Variants in MYO10 observed in about 807,000 individuals in gnomAD.
MYO10 encodes the protein myosin X.
MYO10 carries 133 observed loss-of-function variants against 257.3 expected under a neutral mutation model. That is an observed-to-expected ratio of 0.52 (90% CI 0.45 to 0.60). The LOEUF is 0.60. Ranked by LOEUF, MYO10 falls within the 20% of genes least tolerant of loss-of-function variation. The pLI, the probability that MYO10 is intolerant of heterozygous loss-of-function variation, is 0.00. For missense variants in MYO10, 2,399 were observed against 2,635.7 expected, an observed-to-expected ratio of 0.91 and a Z score of 1.97; for synonymous variants, 1,104 against 1,028.6, an observed-to-expected ratio of 1.07 and a Z score of -1.40.
intron 3 of MYO10, among the ~76,000 whole-genome samples, chr5:16,798,426 T>C (rs1321602041): frequency 1.3e-5 from 2 of 152,034 alleles, no homozygotes; most frequent in Non-Finnish European, 2.9e-5. Flanking sequence ...AGAAAACCCA[T>C]TTTGTCCTGT....
chr5:16,777,487 T>C (rs1222518726), intron 9 of MYO10, among the ~76,000 whole-genome samples: 7 of 152,120 alleles, frequency 4.6e-5, no homozygotes, highest in South Asian at 2.1e-4. Flanking sequence ...TCTATGACAA[T>C]GAAAAGGAAA....
chr5:16,765,527 C>G (rs908227428), intron 11 of MYO10, among the ~76,000 whole-genome samples: 3 of 152,122 alleles, frequency 2.0e-5, no homozygotes, highest in African/African-American at 7.2e-5. Flanking sequence ...TAAGAAAACC[C>G]TAATACAAAG....
intron 3 of MYO10, among the ~76,000 whole-genome samples, chr5:16,797,381 T>C (rs925246614): frequency 6.6e-6 from 1 of 152,166 alleles, no homozygotes; most frequent in African/African-American, 2.4e-5. Flanking sequence ...TTACTCAACC[T>C]GGAATGTGTT....
At chr5:16,743,712 A>G (rs1213350632) in intron 19 of MYO10, among the ~76,000 whole-genome samples, 1 of 152,110 alleles carries the variant, frequency 6.6e-6, no homozygotes, top group Non-Finnish European at 1.5e-5. Context: ...TCCCATTCTT[A>G]TAGAAAATGA....
At chr5:16,775,554 G>A (rs186805441) in intron 9 of MYO10, among the ~76,000 whole-genome samples, 1 of 152,230 alleles carries the variant, frequency 6.6e-6, no homozygotes, top group East Asian at 1.9e-4. Context: ...CTCCAAGGTA[G>A]CTAGGACTAC....
intron 39 of MYO10, among the ~76,000 whole-genome samples, chr5:16,668,821 C>A (rs1388264916): frequency 1.3e-5 from 2 of 152,144 alleles, no homozygotes; most frequent in East Asian, 1.9e-4. Flanking sequence ...AGCTTCCCTG[C>A]AACCCAAGCC....
At chr5:16,704,055 G>A (rs1047322963) in intron 22 of MYO10, among the ~76,000 whole-genome samples, 6 of 151,944 alleles carry the variant, frequency 3.9e-5, no homozygotes, top group Admixed American at 1.3e-4. Flanking sequence ...GGCTGGGTAC[G>A]GTGGCTCACA....
At position 16,711,152 on chromosome 5, in the gene MYO10, C is replaced by A. The variant is rs747306041; in HGVS notation, c.2023G>T (p.Val675Phe). The A allele has an allele frequency of 6.2e-7, 1 of 1,613,944 alleles. No individual in the cohort carries two copies. The highest frequency in any genetic ancestry group is 2.2e-5 in the East Asian group (1 of 44,876). ...TAAAAGTCCTGAAAGGGTCTTCGGA[C>A]CGCATACCCAGCTTTGCGGATTCTC... ...TVRIRKAGYA[V>F]RRPFQDFYKR... The change falls in exon 20 of 41, where the codon GTC becomes TTC. Residue 675 changes from valine (V) to phenylalanine (F), a missense_variant. Around this residue, in one of 3 missense-constraint regions of MYO10, gnomAD observed 1,820 missense variants for 1,939.4 expected, o/e 0.94. Coordinates refer to ENST00000513610, the MANE Select transcript of MYO10 (RefSeq NM_012334.3).
chr5:16,923,310 C>T lies in MYO10; in HGVS notation c.21+12478G>A, dbSNP rs559899847. Among the ~76,000 whole-genome samples the T allele has an allele frequency of 1.1e-4, 16 of 143,572 alleles. 1 individual carries two copies. In the South Asian group the frequency reaches 3.1e-3, roughly 28 times the overall value. The allele number at this position is 143,572 out of a possible 152,430, so 94.2% of individuals were successfully genotyped here. ...AAACTCTTCTTTTTTTTTTTTGAGG[C>T]GGAATCTCGCTCCGTCGCCCAGGTG... On this transcript the variant is annotated intron_variant, in intron 1 of 40. Transcript: ENST00000513610.
At chr5:16,816,117 C>T (rs1328463094) in intron 3 of MYO10, among the ~76,000 whole-genome samples, 9 of 150,492 alleles carry the variant, frequency 6.0e-5, no homozygotes, top group Non-Finnish European at 1.3e-4. Flanking sequence ...CCGAGGCGGG[C>T]GGATCACAAG....
chr5:16,893,123 G>C lies in MYO10; in HGVS notation c.22-15416C>G, dbSNP rs191222894. Among the ~76,000 whole-genome samples the C allele has an allele frequency of 6.3e-3, 926 of 147,644 alleles. 8 individuals are homozygous for C. The highest frequency in any genetic ancestry group is 0.022 in the African/African-American group (886 of 40,606). On this transcript the variant is annotated intron_variant, in intron 1 of 40. Coordinates refer to ENST00000513610, the MANE Select transcript of MYO10 (RefSeq NM_012334.3). Reference sequence around the variant, plus strand: ...GAGGCAGGAGAATGGCTTGAACCTGGGAGGCGGAGTTTGCAGTGAGCCGAG... The same window carrying C: ...GAGGCAGGAGAATGGCTTGAACCTGCGAGGCGGAGTTTGCAGTGAGCCGAG...
At chr5:16,918,141 A>C (rs542940851) in intron 1 of MYO10, among the ~76,000 whole-genome samples, 66 of 152,300 alleles carry the variant, frequency 4.3e-4, no homozygotes, top group African/African-American at 1.5e-3. Flanking sequence ...AATTTCCAAA[A>C]TAGTTTCTTA....
intron 2 of MYO10, among the ~76,000 whole-genome samples, chr5:16,822,226 G>A (rs1373328625): frequency 1.3e-5 from 2 of 151,510 alleles, no homozygotes; most frequent in East Asian, 1.9e-4. Flanking sequence ...CACGGCACAC[G>A]TTTACCTACG....
At chr5:16,781,178 C>G (rs545076930) in intron 6 of MYO10, among the ~76,000 whole-genome samples, 1 of 151,656 alleles carries the variant, frequency 6.6e-6, no homozygotes, top group African/African-American at 2.4e-5. Context: ...TACCTGGGTT[C>G]AAGCGATTCT....
At chr5:16,739,135 A>T (rs1233068244) in intron 19 of MYO10, among the ~76,000 whole-genome samples, 1 of 144,162 alleles carries the variant, frequency 6.9e-6, no homozygotes, top group African/African-American at 2.6e-5. Context: ...GTAGTGTGCT[A>T]TGATTGTGCT....
rs544619306 is a variant in MYO10, at chr5:16,704,449, G to A, written c.2276+130C>T. ...TCAGGCTAGCTAGGTTTCGGGAGTG[G>A]CTGCTTAGGAGGCCTGACCTGAGGC... On this transcript the variant is annotated intron_variant, in intron 22 of 40. Transcript: ENST00000513610. 1.3e-4 allele frequency: 93 copies of A among 697,076 alleles called. No homozygotes were observed. The East Asian group carries it at 2.5e-3, about 19-fold the overall frequency. The allele number at this position is 697,076 out of a possible 1,614,324, so 43.2% of individuals were successfully genotyped here.
At chr5:16,877,567 G>A in intron 2 of MYO10, 42 bp downstream of exon 2, 1 of 1,511,352 alleles carries the variant, frequency 6.6e-7, no homozygotes, top group South Asian at 1.1e-5. Context: ...TAGCTACAAA[G>A]CAGACCATGG....
intron 4 of MYO10, among the ~76,000 whole-genome samples, chr5:16,793,371 C>A (rs1741827857): frequency 6.6e-6 from 1 of 152,164 alleles, no homozygotes; most frequent in Admixed American, 6.5e-5. Context: ...GTCACCCAGG[C>A]TGGAGTGCAG....
At chr5:16,726,727 T>G (rs1356238061) in intron 19 of MYO10, among the ~76,000 whole-genome samples, 1 of 152,218 alleles carries the variant, frequency 6.6e-6, no homozygotes, top group Non-Finnish European at 1.5e-5. Context: ...GAATGAAATT[T>G]ATCACAATAG....
Sources: gnomAD v4.1 joint callset for allele counts (sites outside exome capture counted in the v4.1 genomes callset) on GRCh38, gnomAD v4.1.1 for gene constraint, gnomAD v4.1.1 regional missense constraint, MANE v1.5 for transcripts, NCBI Gene and HGNC (gene_info 2026-07-23, HGNC 2026-07-21) for gene names.